Variants in DCC observed in about 807,000 individuals in gnomAD.
The protein encoded by DCC is DCC netrin 1 receptor, also known as netrin receptor DCC.
In DCC, 58 loss-of-function variants were observed where a neutral mutation model predicts 172.5. The observed-to-expected ratio is 0.34, with a 90% CI of 0.27 to 0.42. The LOEUF (loss-of-function observed/expected upper bound fraction) is 0.42, where lower values mean the gene tolerates loss of function less well. Ranked by LOEUF, DCC falls within the 10% of genes least tolerant of loss-of-function variation. The probability of loss-of-function intolerance (pLI) is 1.00; values close to 1 mark genes in which losing one functional copy is unlikely to be tolerated. For missense variants in DCC, 1,740 were observed against 1,791.0 expected (o/e 0.97, Z 0.51); for synonymous variants, 709 against 644.5 (o/e 1.10, Z -1.52).
chr18:52,463,309 A>G (rs1317140282), intron 1 of DCC, among the ~76,000 whole-genome samples: 3 of 151,068 alleles, frequency 2.0e-5, no homozygotes, highest in Non-Finnish European at 4.4e-5. Context: ...TTTGAATTCT[A>G]CCCTTCTCGA....
At chr18:52,344,389 G>A (rs567753780) in intron 1 of DCC, among the ~76,000 whole-genome samples, 1 of 152,172 alleles carries the variant, frequency 6.6e-6, no homozygotes, top group South Asian at 2.1e-4. Context: ...TTTAGAGAGG[G>A]AAGTTGTGAT....
chr18:53,009,856 G>T (rs2041703747), intron 5 of DCC, among the ~76,000 whole-genome samples: 1 of 151,800 alleles, frequency 6.6e-6, no homozygotes, highest in Admixed American at 6.6e-5. Flanking sequence ...CTGCCCTATT[G>T]GTTCTCCAAG....
At chr18:52,732,872 T>G (rs2036666365) in intron 1 of DCC, among the ~76,000 whole-genome samples, 1 of 152,162 alleles carries the variant, frequency 6.6e-6, no homozygotes, top group Admixed American at 6.6e-5. Context: ...AGTTCAAAAA[T>G]GTAATCAGTG....
intron 1 of DCC, among the ~76,000 whole-genome samples, chr18:52,362,295 G>A (rs1431106446): frequency 6.6e-6 from 1 of 152,188 alleles, no homozygotes; most frequent in African/African-American, 2.4e-5. Flanking sequence ...ATCCAGATTT[G>A]ACGGTTATGT....
chr18:53,288,588 A>G (rs1044191407), intron 12 of DCC, among the ~76,000 whole-genome samples: 1 of 152,114 alleles, frequency 6.6e-6, no homozygotes, highest in African/African-American at 2.4e-5. Context: ...AATTTTAAGT[A>G]GTCAGCCCTA....
At chr18:52,687,829 A>G (rs1224354111) in intron 1 of DCC, among the ~76,000 whole-genome samples, 1 of 152,134 alleles carries the variant, frequency 6.6e-6, no homozygotes, top group Non-Finnish European at 1.5e-5. Flanking sequence ...TGACTGTTCA[A>G]GGGAAACCTG....
chr18:52,455,867 A>G (rs1410885363), intron 1 of DCC, among the ~76,000 whole-genome samples: 1 of 152,208 alleles, frequency 6.6e-6, no homozygotes, highest in Non-Finnish European at 1.5e-5. Context: ...TAAGGAGTAA[A>G]AAGATTATGG....
chr18:52,871,196 A>T (rs1304144364), intron 2 of DCC, among the ~76,000 whole-genome samples: 2 of 152,156 alleles, frequency 1.3e-5, no homozygotes, highest in African/African-American at 4.8e-5. Context: ...GCCAGCTGAC[A>T]CGACCTCAAA....
chr18:52,481,704 G>T (rs1008180974), intron 1 of DCC, among the ~76,000 whole-genome samples: 1 of 152,052 alleles, frequency 6.6e-6, no homozygotes. Flanking sequence ...AACTCTAACA[G>T]TGACGACTTA....
chr18:52,824,743 G>A (rs1480873503), intron 2 of DCC, among the ~76,000 whole-genome samples: 3 of 152,098 alleles, frequency 2.0e-5, no homozygotes, highest in African/African-American at 7.2e-5. Context: ...GGCTGAAGCA[G>A]GCAGATCACC....
intron 2 of DCC, among the ~76,000 whole-genome samples, chr18:52,836,495 A>G (rs111422913): frequency 0.025 from 3,744 of 152,308 alleles, 139 homozygotes; most frequent in African/African-American, 0.082. Context: ...ACCTGTTCCA[A>G]ATGGGAGAAA....
intron 1 of DCC, among the ~76,000 whole-genome samples, chr18:52,731,449 T>C (rs764496976): frequency 1.3e-5 from 2 of 152,222 alleles, no homozygotes; most frequent in Non-Finnish European, 2.9e-5. Flanking sequence ...AAAACAGATA[T>C]TCAGTCACAT....
At chr18:53,149,583 C>A (rs746431383) in intron 7 of DCC, among the ~76,000 whole-genome samples, 95 of 152,204 alleles carry the variant, frequency 6.2e-4, no homozygotes, top group Non-Finnish European at 5.6e-4. Context: ...CTTTAAAAGG[C>A]ACTTTCCTAA....
chr18:52,474,044 G>A lies in DCC; in HGVS notation c.91+133166G>A, dbSNP rs537054097. Among the ~76,000 whole-genome samples the A allele has an allele frequency of 1.0e-3, 157 of 152,106 alleles. 1 individual carries two copies. The highest frequency in any genetic ancestry group is 3.7e-3 in the African/African-American group (152 of 41,492). On this transcript the variant is annotated intron_variant, in intron 1 of 28. Coordinates refer to ENST00000442544, the MANE Select transcript of DCC (RefSeq NM_005215.4). ...CTTTAAAAAAAATAAATTTAATCAA[G>A]TGATATAATGCTGCTAAAAACTGCA...
At chr18:53,389,779 T>C (rs1190579340) in intron 16 of DCC, among the ~76,000 whole-genome samples, 1 of 152,182 alleles carries the variant, frequency 6.6e-6, no homozygotes, top group African/African-American at 2.4e-5. Flanking sequence ...AGAATGGTCA[T>C]GAATAGTATA....
At chr18:53,265,203 A>G (rs1010955051) in intron 12 of DCC, among the ~76,000 whole-genome samples, 2 of 152,218 alleles carry the variant, frequency 1.3e-5, no homozygotes, top group Non-Finnish European at 2.9e-5. Context: ...CCTTGGCCTC[A>G]TCAGCACTAA....
At chr18:53,254,974 C>T (rs2056487076) in intron 12 of DCC, among the ~76,000 whole-genome samples, 1 of 151,966 alleles carries the variant, frequency 6.6e-6, no homozygotes, top group African/African-American at 2.4e-5. Context: ...TAGAGCCCTG[C>T]CCTATTCTAG....
At chr18:52,858,460 G>A (rs1340477029) in intron 2 of DCC, among the ~76,000 whole-genome samples, 1 of 152,160 alleles carries the variant, frequency 6.6e-6, no homozygotes, top group African/African-American at 2.4e-5. Context: ...ACTTGGTTGT[G>A]GGTGGGTGCT....
chr18:52,355,548 A>T (rs1984324776), intron 1 of DCC, among the ~76,000 whole-genome samples: 1 of 152,354 alleles, frequency 6.6e-6, no homozygotes, highest in South Asian at 2.1e-4. Flanking sequence ...AGTCTTTGGC[A>T]CATATTGAGC....
Sources: allele counts gnomAD v4.1 joint callset (sites outside exome capture counted in the v4.1 genomes callset), GRCh38; gene constraint gnomAD v4.1.1; transcripts MANE v1.5; gene names NCBI Gene and HGNC (gene_info 2026-07-23, HGNC 2026-07-21).